OGDH: variants seen among roughly 807,000 people sequenced by gnomAD.
The protein encoded by OGDH is 2-oxoglutarate dehydrogenase complex component E1.
OGDH carries 38 observed loss-of-function variants against 116.6 expected under a neutral mutation model. The observed-to-expected ratio is 0.33, with a 90% confidence interval of 0.25 to 0.43. The LOEUF is 0.43. Ranked by LOEUF, OGDH falls within the 20% of genes least tolerant of loss-of-function variation. The probability of loss-of-function intolerance (pLI) is 1.00; values close to 1 mark genes in which losing one functional copy is unlikely to be tolerated. For synonymous variants in OGDH, 488 were observed against 533.3 expected, an observed-to-expected ratio of 0.92 and a Z score of 1.17; for missense variants, 825 against 1,357.2, an observed-to-expected ratio of 0.61 and a Z score of 6.16.
chr7:44,682,914 C>T (rs547475600), intron 10 of OGDH, among the ~76,000 whole-genome samples: 2 of 151,766 alleles, frequency 1.3e-5, no homozygotes, highest in South Asian at 2.1e-4. Flanking sequence ...TTTGGGCGGC[C>T]GAGGCAGACG....
At chr7:44,664,021 G>A (rs1330297062) in intron 4 of OGDH, among the ~76,000 whole-genome samples, 2 of 152,014 alleles carry the variant, frequency 1.3e-5, no homozygotes, top group Non-Finnish European at 2.9e-5. Flanking sequence ...TCATCATGGT[G>A]TTGATGTCTG....
Position 44,696,011 on chromosome 7 carries a change from G to T in OGDH, c.1669-14G>T. On this transcript the variant is annotated splice_polypyrimidine_tract_variant and intron_variant, in intron 12 of 22. Coordinates refer to ENST00000222673, the MANE Select transcript of OGDH (RefSeq NM_002541.4). ...CCCTGTGCCAGTCACGCTGTGTTGT[G>T]CCCAACCCTCCAGGAGGAAATTTCC... The T allele has an allele frequency of 6.7e-7, 1 of 1,485,000 alleles. No individual in the cohort carries two copies. The highest frequency in any genetic ancestry group is 1.1e-5 in the South Asian group (1 of 88,260). The allele number at this position is 1,485,000 out of a possible 1,614,324, so 92.0% of individuals were successfully genotyped here.
At chr7:44,689,618 T>G (rs759367977) in intron 10 of OGDH, among the ~76,000 whole-genome samples, 3 of 151,974 alleles carry the variant, frequency 2.0e-5, no homozygotes, top group Non-Finnish European at 2.9e-5. Context: ...AGGTGTGAGG[T>G]GATATCTCAT....
intron 1 of OGDH, among the ~76,000 whole-genome samples, chr7:44,622,224 A>G (rs74569660): frequency 0.014 from 2,146 of 152,288 alleles, 56 homozygotes; most frequent in African/African-American, 0.047. Flanking sequence ...AAAAAATAGC[A>G]TAAAATGAAG....
At chr7:44,682,218 C>T (rs374282252) in intron 10 of OGDH, among the ~76,000 whole-genome samples, 8 of 151,486 alleles carry the variant, frequency 5.3e-5, no homozygotes, top group Non-Finnish European at 1.2e-4. Flanking sequence ...GGTGAAACCC[C>T]GTCTCTGCTA....
At chr7:44,677,575 G>A (rs1472728457) in intron 9 of OGDH, among the ~76,000 whole-genome samples, 1 of 152,114 alleles carries the variant, frequency 6.6e-6, no homozygotes, top group East Asian at 1.9e-4. Flanking sequence ...TATGTTAGAA[G>A]TGGAACCAAT....
intron 10 of OGDH, among the ~76,000 whole-genome samples, chr7:44,689,398 T>C (rs984181461): frequency 1.3e-4 from 17 of 135,920 alleles, no homozygotes; most frequent in African/African-American, 3.4e-4. Context: ...TTTTCTTTTT[T>C]TTTTTTTTTT....
intron 5 of OGDH, among the ~76,000 whole-genome samples, chr7:44,671,010 C>CAAAAAAAAAAAAAAAAAAAAAAA (rs111818473): frequency 1.5e-5 from 1 of 68,616 alleles, no homozygotes; most frequent in Non-Finnish European, 3.6e-5. Flanking sequence ...GACTCCATCT[C>CAAAAAAAAAAAAAAAAAAAAAAA]AAAAAAAAAA....
chr7:44,659,273 A>G (rs1385029670), intron 4 of OGDH, among the ~76,000 whole-genome samples: 15 of 152,216 alleles, frequency 9.9e-5, no homozygotes. Context: ...CCATTTGATC[A>G]TGGTATATAA....
intron 1 of OGDH, among the ~76,000 whole-genome samples, chr7:44,612,870 C>T (rs1219083210): frequency 2.2e-5 from 3 of 137,472 alleles, no homozygotes; most frequent in Admixed American, 7.1e-5. Context: ...TGTTTTTTTT[C>T]TTTTCTTTTC....
At chr7:44,634,826 A>G (rs1785592945) in intron 2 of OGDH, among the ~76,000 whole-genome samples, 1 of 152,192 alleles carries the variant, frequency 6.6e-6, no homozygotes, top group African/African-American at 2.4e-5. Context: ...GTCCAGCTCT[A>G]CCATCTGCAC....
intron 2 of OGDH, among the ~76,000 whole-genome samples, chr7:44,632,147 A>C (rs190619779): frequency 1.6e-3 from 240 of 152,286 alleles, no homozygotes; most frequent in African/African-American, 5.6e-3. Context: ...ACCCCTCAGC[A>C]GGTAGAAGGA....
In OGDH at chr7:44,708,029, C is replaced by T. The variant is rs775233361; in HGVS notation, c.*30C>T. 6.2e-7 allele frequency: 1 copy of T among 1,603,386 alleles called. No individual in the cohort carries two copies. The highest frequency in any genetic ancestry group is 1.1e-5 in the South Asian group (1 of 90,424). ...TGCCTAGGGTTGCTTGGGCCACTGC[C>T]CTCTCCACACCCATGACTGCCCCTT... On this transcript the variant is annotated 3_prime_UTR_variant, in exon 23 of 23. Coordinates refer to ENST00000222673, the MANE Select transcript of OGDH (RefSeq NM_002541.4).
chr7:44,624,621 A>G, intron 2 of OGDH, 56 bp downstream of exon 2: 1 of 1,483,838 alleles, frequency 6.7e-7, no homozygotes, highest in Admixed American at 1.7e-5. Context: ...CCTGTTCCTG[A>G]CTGGTCACCA....
rs1162664411 is a variant in OGDH, at chr7:44,708,239, G to T, written c.*240G>T. 2 of 489,738 alleles carry T rather than the reference G, an allele frequency of 4.1e-6. No individual in the cohort carries two copies. Among genetic ancestry groups the T allele is most frequent in the African/African-American group, 3.9e-5 (2 of 51,036 alleles). 30.3% of individuals were successfully genotyped at this position (489,738 alleles called of 1,614,324 possible). A position where few individuals can be genotyped will look rare whatever the true frequency, so the allele number is the denominator to read the frequency against. On this transcript the variant is annotated 3_prime_UTR_variant, in exon 23 of 23. Transcript: ENST00000222673. The stretch of plus-strand genomic sequence containing the variant: ...TGAGCAGTTTTCCAGGAGGCCGGGG[G>T]GAGCAGGAGGAGGAAAGGTAGCCCC...
chr7:44,673,110 C>T (rs1035379138), intron 5 of OGDH, among the ~76,000 whole-genome samples: 1 of 152,034 alleles, frequency 6.6e-6, no homozygotes, highest in African/African-American at 2.4e-5. Flanking sequence ...TGACTTTTGT[C>T]TTATGGGCAA....
intron 14 of OGDH, 93 bp downstream of exon 14, chr7:44,696,650 G>A: frequency 3.3e-6 from 5 of 1,536,186 alleles, no homozygotes; most frequent in Non-Finnish European, 2.7e-6. Flanking sequence ...CACCCATCAT[G>A]TGTCCTACAG....
intron 19 of OGDH, 121 bp from the exon 20 acceptor site, chr7:44,701,422 G>C (rs1246548147): frequency 1.3e-6 from 1 of 764,206 alleles, no homozygotes; most frequent in Non-Finnish European, 2.3e-6. Flanking sequence ...GGCTCCTGTT[G>C]AGTGGGAGGG....
At chr7:44,630,104 A>G (rs1417831366) in intron 2 of OGDH, among the ~76,000 whole-genome samples, 1 of 152,168 alleles carries the variant, frequency 6.6e-6, no homozygotes, top group Non-Finnish European at 1.5e-5. Context: ...CTATGGGTGA[A>G]ACTAAGTGGA....
Sources: gnomAD v4.1 joint callset for allele counts (sites outside exome capture counted in the v4.1 genomes callset) on GRCh38, gnomAD v4.1.1 for gene constraint, MANE v1.5 for transcripts, NCBI Gene and HGNC (gene_info 2026-07-23, HGNC 2026-07-21) for gene names.